Variants in ATAD2B observed in about 807,000 individuals in gnomAD.
ATAD2B encodes the protein ATPase family AAA domain-containing protein 2B.
ATAD2B carries 40 observed loss-of-function variants against 167.6 expected under a neutral mutation model. The ratio of observed to expected loss-of-function variants is 0.24; its 90% confidence interval spans 0.19 to 0.31. ATAD2B has a LOEUF of 0.31. ATAD2B is among the 10% of genes least tolerant of loss of function. ATAD2B has a pLI of 1.00. For synonymous variants in ATAD2B, 579 were observed against 596.5 expected (o/e 0.97, Z 0.43); for missense variants, 1,242 against 1,757.2 (o/e 0.71, Z 5.24).
the ATAD2B span, among the ~76,000 whole-genome samples, chr2:23,736,135 T>C: frequency 6.6e-6 from 1 of 152,228 alleles, no homozygotes; most frequent in African/African-American, 2.4e-5. Flanking sequence ...GAGAATACTA[T>C]TAAAGTAGCC....
the ATAD2B span, among the ~76,000 whole-genome samples, chr2:23,710,037 C>T: frequency 1.0e-3 from 152 of 152,250 alleles, no homozygotes; most frequent in African/African-American, 3.4e-3. Context: ...CAAGTGAAAC[C>T]ATCAGAGCTG....
At chr2:23,771,279 T>A (rs1029452362) in intron 22 of ATAD2B, among the ~76,000 whole-genome samples, 18 of 152,234 alleles carry the variant, frequency 1.2e-4, no homozygotes, top group African/African-American at 3.9e-4. Flanking sequence ...GAAGTAGGGA[T>A]GCCTTTATTT....
Position 23,864,812 on chromosome 2 carries a change from G to T in ATAD2B, c.1301C>A (p.Pro434Gln). The change falls in exon 11 of 28, where the codon CCA becomes CAA. Residue 434 changes from proline to glutamine, a missense_variant. This residue lies in a region of ATAD2B where 151 missense variants were observed against 284.1 expected (regional missense o/e 0.53). Transcript: ENST00000238789. ...EIFEKFKIQP[P>Q]RGCLFYGPPG... ...AAACATCTATGACATTGCTTACCTTGGAGGCTGAATTTTAAACTTTTCAAA... is the reference window on the plus strand; with the variant it reads ...AAACATCTATGACATTGCTTACCTTTGAGGCTGAATTTTAAACTTTTCAAA... 1 of 1,510,396 alleles carries T rather than the reference G, an allele frequency of 6.6e-7. No homozygotes were observed. The highest frequency in any genetic ancestry group is 9.0e-7 in the Non-Finnish European group (1 of 1,105,454). 93.6% of individuals were successfully genotyped at this position (1,510,396 alleles called of 1,614,324 possible).
At chr2:23,918,324 T>C (rs1703376980) in intron 1 of ATAD2B, among the ~76,000 whole-genome samples, 1 of 151,856 alleles carries the variant, frequency 6.6e-6, no homozygotes, top group South Asian at 2.1e-4. Flanking sequence ...CGAGCTGTGA[T>C]TGCACTACTG....
At chr2:23,787,853 A>C (rs1050544935) in intron 20 of ATAD2B, among the ~76,000 whole-genome samples, 2 of 152,050 alleles carry the variant, frequency 1.3e-5, no homozygotes, top group African/African-American at 4.8e-5. Context: ...AGGAAAAGAA[A>C]ATCTCTTTTG....
the ATAD2B span, among the ~76,000 whole-genome samples, chr2:23,735,744 C>A: frequency 6.6e-6 from 1 of 152,198 alleles, no homozygotes; most frequent in Admixed American, 6.5e-5. Context: ...ACAGACCAAT[C>A]ATTTGTTTCT....
chr2:23,800,191 CAAGA>C (rs1378705760), intron 18 of ATAD2B, among the ~76,000 whole-genome samples: 2 of 151,862 alleles, frequency 1.3e-5, no homozygotes, highest in East Asian at 3.9e-4. Flanking sequence ...GCTGGTAAAA[CAAGA>C]AAGAGTCAGC....
At position 23,812,749 on chromosome 2, in the gene ATAD2B, GC is replaced by G. The variant is rs1225630446; in HGVS notation, c.2268-2248del. 3.3e-5 allele frequency among the ~76,000 whole-genome samples: 5 copies of G among 150,826 alleles called. No homozygotes were observed. In the East Asian group the frequency reaches 9.8e-4, roughly 30 times the overall value. ...GTGGTGGCACGTGCCTGTAGTCCCA[GC>G]TACTCAGAAGATAGAGGCAGGAGAA... On this transcript the variant is annotated intron_variant, in intron 17 of 27. Transcript: ENST00000238789.
intron 9 of ATAD2B, among the ~76,000 whole-genome samples, chr2:23,868,596 T>C (rs559208678): frequency 3.9e-5 from 6 of 152,234 alleles, no homozygotes; most frequent in African/African-American, 1.4e-4. Context: ...TTTAAATCTA[T>C]CCTCAACTAT....
chr2:23,826,721 C>T (rs1011816105), intron 15 of ATAD2B, among the ~76,000 whole-genome samples: 2 of 152,112 alleles, frequency 1.3e-5, no homozygotes, highest in Non-Finnish European at 2.9e-5. Context: ...TTTTAGCCCT[C>T]TCATTGAAAA....
chr2:23,917,722 T>C (rs144977404), intron 1 of ATAD2B, among the ~76,000 whole-genome samples: 2 of 151,698 alleles, frequency 1.3e-5, no homozygotes, highest in African/African-American at 4.8e-5. Context: ...AAGCCAGTAG[T>C]TCAAAACCAG....
chr2:23,699,285 T>G, the ATAD2B span, among the ~76,000 whole-genome samples: 1 of 152,164 alleles, frequency 6.6e-6, no homozygotes, highest in Non-Finnish European at 1.5e-5. Flanking sequence ...AGGAAAGATG[T>G]GCTGGGGACA....
At chr2:23,717,511 C>T in the ATAD2B span, among the ~76,000 whole-genome samples, 4 of 151,938 alleles carry the variant, frequency 2.6e-5, no homozygotes, top group Non-Finnish European at 5.9e-5. Flanking sequence ...AAGGAGGTGA[C>T]GGGAGCAAAG....
chr2:23,691,950 A>T, the ATAD2B span: 1 of 1,440,760 alleles, frequency 6.9e-7, no homozygotes, highest in Non-Finnish European at 9.4e-7. Flanking sequence ...AACAGCAAGG[A>T]CTGAGCGGGG....
chr2:23,863,045 C>T (rs932253572), intron 12 of ATAD2B, among the ~76,000 whole-genome samples: 17 of 152,044 alleles, frequency 1.1e-4, no homozygotes, highest in African/African-American at 3.9e-4. Flanking sequence ...GCAGATTAAA[C>T]GTATTAAATA....
chr2:23,921,469 T>C (rs1034578812), intron 1 of ATAD2B, among the ~76,000 whole-genome samples: 1 of 152,132 alleles, frequency 6.6e-6, no homozygotes, highest in Non-Finnish European at 1.5e-5. Context: ...TTCCAGAAGT[T>C]ATGAGTTTAC....
chr2:23,785,354 A>G (rs934922434), intron 21 of ATAD2B, among the ~76,000 whole-genome samples: 12 of 152,168 alleles, frequency 7.9e-5, no homozygotes, highest in African/African-American at 2.7e-4. Context: ...TCCACACACT[A>G]CATTATCCCA....
rs200820220 is a variant in ATAD2B, at chr2:23,831,365, AC to A, written c.1729-2427del. Among the ~76,000 whole-genome samples, 3 of 151,468 alleles carry A rather than the reference AC, an allele frequency of 2.0e-5. No homozygotes were observed. In the East Asian group the frequency reaches 5.8e-4, roughly 29 times the overall value. On this transcript the variant is annotated intron_variant, in intron 14 of 27. Transcript: ENST00000238789. ...GTTAACAAAATTATTAAAATTTGAA[AC>A]CAAGATTTACTTTTATTAATCTTTT...
At chr2:23,868,328 T>A (rs1283264079) in intron 9 of ATAD2B, among the ~76,000 whole-genome samples, 1 of 152,176 alleles carries the variant, frequency 6.6e-6, no homozygotes, top group Non-Finnish European at 1.5e-5. Context: ...TGAGACAAGA[T>A]CTCACTCTGT....
Sources: gnomAD v4.1 joint callset for allele counts (sites outside exome capture counted in the v4.1 genomes callset) on GRCh38, gnomAD v4.1.1 for gene constraint, gnomAD v4.1.1 regional missense constraint, MANE v1.5 for transcripts, NCBI Gene and HGNC (gene_info 2026-07-23, HGNC 2026-07-21) for gene names.